Variants in NRG1 observed in about 807,000 individuals in gnomAD.
The protein encoded by NRG1 is pro-neuregulin-1, membrane-bound isoform.
In NRG1, 18 loss-of-function variants were observed where a neutral mutation model predicts 63.8. That is an observed-to-expected ratio of 0.28 (90% CI 0.19 to 0.42). The LOEUF (loss-of-function observed/expected upper bound fraction) is 0.42, where lower values mean the gene tolerates loss of function less well. Among genes scored for constraint, NRG1 ranks in the 10% least tolerant of loss-of-function variants. The pLI is 1.00. For missense variants in NRG1, 762 were observed against 814.7 expected, an observed-to-expected ratio of 0.94 and a Z score of 0.79; for synonymous variants, 302 against 301.3, an observed-to-expected ratio of 1.00 and a Z score of -0.02.
chr8:31,887,617 C>G (rs776058045), intron 1 of NRG1, among the ~76,000 whole-genome samples: 1 of 151,814 alleles, frequency 6.6e-6, no homozygotes, highest in Admixed American at 6.6e-5. Flanking sequence ...GGGAGCAGTC[C>G]TAAGGTGGAC....
At chr8:32,142,326 T>C (rs1398617793) in intron 1 of NRG1, among the ~76,000 whole-genome samples, 1 of 152,214 alleles carries the variant, frequency 6.6e-6, no homozygotes, top group Non-Finnish European at 1.5e-5. Context: ...GATAGTTGAC[T>C]GTGCTTGTTA....
intron 1 of NRG1, among the ~76,000 whole-genome samples, chr8:31,764,896 C>A (rs1463083245): frequency 1.6e-5 from 2 of 121,920 alleles, no homozygotes; most frequent in Non-Finnish European, 3.4e-5. Context: ...CCCCTCCCCC[C>A]ACCCCACAAG....
At chr8:32,360,883 C>G (rs1311357868) in intron 1 of NRG1, among the ~76,000 whole-genome samples, 1 of 152,188 alleles carries the variant, frequency 6.6e-6, no homozygotes, top group Admixed American at 6.5e-5. Flanking sequence ...CCATTAAACT[C>G]ATGAGGTTTT....
At chr8:32,712,516 G>T (rs886831080) in intron 5 of NRG1, among the ~76,000 whole-genome samples, 1 of 152,128 alleles carries the variant, frequency 6.6e-6, no homozygotes, top group Non-Finnish European at 1.5e-5. Flanking sequence ...GTCTCTTATT[G>T]TAAATTATGT....
At chr8:32,070,040 T>A (rs536497654) in intron 1 of NRG1, among the ~76,000 whole-genome samples, 2 of 152,210 alleles carry the variant, frequency 1.3e-5, no homozygotes, top group Admixed American at 6.5e-5. Flanking sequence ...AAATAGTATC[T>A]TTATTTAAGA....
intron 1 of NRG1, among the ~76,000 whole-genome samples, chr8:31,997,098 T>C (rs1325241524): frequency 6.6e-6 from 1 of 151,918 alleles, no homozygotes; most frequent in East Asian, 1.9e-4. Context: ...TAAATATTGA[T>C]TTAATTTTTT....
chr8:31,997,633 A>T lies in NRG1; in HGVS notation c.37+358202A>T, dbSNP rs182274401. ...ACCCAAAGTGAGTGTCAGTGCCAAG[A>T]CTTAAATCTATTTCTTCTCACTCAC... On this transcript the variant is annotated intron_variant, in intron 1 of 10. Transcript: ENST00000519301. 1.3e-3 allele frequency among the ~76,000 whole-genome samples: 197 copies of T among 152,078 alleles called. 1 individual carries two copies. The highest frequency in any genetic ancestry group is 3.5e-3 in the South Asian group (17 of 4,824).
intron 5 of NRG1, among the ~76,000 whole-genome samples, chr8:32,661,663 A>G (rs1796237431): frequency 6.6e-6 from 1 of 151,996 alleles, no homozygotes; most frequent in Admixed American, 6.6e-5. Context: ...CTTCTTATAA[A>G]TTAGATAATT....
chr8:32,753,296 T>C (rs1296616466), intron 7 of NRG1, among the ~76,000 whole-genome samples: 1 of 152,242 alleles, frequency 6.6e-6, no homozygotes, highest in Non-Finnish European at 1.5e-5. Flanking sequence ...TCAGAGTCCC[T>C]ATTAAATCAG....
chr8:32,140,466 CTT>C (rs1212175525), intron 1 of NRG1, among the ~76,000 whole-genome samples: 1 of 144,626 alleles, frequency 6.9e-6, no homozygotes, highest in African/African-American at 2.5e-5. Flanking sequence ...TTCTTTCTTT[CTT>C]TTTTTTTTTT....
At chr8:32,760,613 A>T (rs1589644375) in intron 11 of NRG1, 1 of 1,373,038 alleles carries the variant, frequency 7.3e-7, no homozygotes, top group East Asian at 2.9e-5. Flanking sequence ...CCAGTGACTG[A>T]CAGGCAACAG....
intron 5 of NRG1, among the ~76,000 whole-genome samples, chr8:32,714,350 A>T (rs1047756891): frequency 6.6e-6 from 1 of 152,248 alleles, no homozygotes; most frequent in South Asian, 2.1e-4. Flanking sequence ...TGAGCAAAGA[A>T]TAAAATGGTA....
intron 1 of NRG1, among the ~76,000 whole-genome samples, chr8:31,736,641 C>T (rs902330563): frequency 6.6e-6 from 1 of 152,278 alleles, no homozygotes; most frequent in South Asian, 2.1e-4. Flanking sequence ...TTTAACATCT[C>T]TGAGTCTCAA....
intron 1 of NRG1, among the ~76,000 whole-genome samples, chr8:31,879,999 G>A (rs1830226001): frequency 6.6e-6 from 1 of 152,036 alleles, no homozygotes; most frequent in Non-Finnish European, 1.5e-5. Context: ...TTGCTATTGT[G>A]AACAATGCTG....
chr8:31,695,252 C>T (rs192164726), intron 1 of NRG1, among the ~76,000 whole-genome samples: 2 of 152,316 alleles, frequency 1.3e-5, no homozygotes, highest in East Asian at 3.9e-4. Flanking sequence ...TCGCTGCACC[C>T]TCTGCCTCTC....
chr8:31,676,642 G>T (rs891636361), intron 1 of NRG1, among the ~76,000 whole-genome samples: 3 of 152,148 alleles, frequency 2.0e-5, no homozygotes, highest in African/African-American at 7.2e-5. Context: ...CCTTCCAGGG[G>T]TTCTGGTGCA....
At chr8:32,202,981 T>G (rs1843648423) in intron 1 of NRG1, among the ~76,000 whole-genome samples, 1 of 151,832 alleles carries the variant, frequency 6.6e-6, no homozygotes, top group African/African-American at 2.4e-5. Flanking sequence ...CTCTTTTGCC[T>G]CCTGTCCATA....
At chr8:31,881,492 C>A (rs1830342135) in intron 1 of NRG1, among the ~76,000 whole-genome samples, 1 of 152,148 alleles carries the variant, frequency 6.6e-6, no homozygotes, top group Non-Finnish European at 1.5e-5. Context: ...GGCAAATTCA[C>A]AACCCTATAA....
chr8:32,556,594 G>A (rs187579598), intron 1 of NRG1, among the ~76,000 whole-genome samples: 18 of 152,140 alleles, frequency 1.2e-4, no homozygotes, highest in East Asian at 9.7e-4. Context: ...TATGAAAAAA[G>A]GAAAAGAAAA....
Sources: allele counts gnomAD v4.1 joint callset (sites outside exome capture counted in the v4.1 genomes callset), GRCh38; gene constraint gnomAD v4.1.1; transcripts MANE v1.5; gene names NCBI Gene and HGNC (gene_info 2026-07-23, HGNC 2026-07-21).